SEC24B: variants seen among roughly 807,000 people sequenced by gnomAD.
The protein encoded by SEC24B is SEC24 homolog B, COPII component.
A neutral mutation model predicts 142.8 loss-of-function variants in SEC24B; 45 were observed. The observed-to-expected ratio is 0.32, with a 90% CI of 0.25 to 0.40. SEC24B has a LOEUF of 0.40. SEC24B is among the 10% of genes least tolerant of loss of function. The pLI is 1.00. For missense variants in SEC24B, 1,409 were observed against 1,526.8 expected, an observed-to-expected ratio of 0.92 and a Z score of 1.29; for synonymous variants, 574 against 568.2, an observed-to-expected ratio of 1.01 and a Z score of -0.15.
intron 1 of SEC24B, among the ~76,000 whole-genome samples, chr4:109,443,078 T>C (rs1263442502): frequency 6.6e-6 from 1 of 152,200 alleles, no homozygotes; most frequent in Non-Finnish European, 1.5e-5. Context: ...CCTGCTCCAT[T>C]CCCAGTGTCA....
chr4:109,539,137 T>A (rs1401435630), intron 23 of SEC24B, among the ~76,000 whole-genome samples: 3 of 151,938 alleles, frequency 2.0e-5, no homozygotes, highest in Non-Finnish European at 4.4e-5. Flanking sequence ...AATTTTTGTA[T>A]TTTTAGTAGA....
intron 23 of SEC24B, 43 bp from the exon 24 acceptor site, chr4:109,539,518 G>C: frequency 8.3e-7 from 1 of 1,203,250 alleles, no homozygotes; most frequent in Non-Finnish European, 1.2e-6. Flanking sequence ...TGAAATCAGG[G>C]CTTTTAAATA....
At chr4:109,453,952 G>A (rs1231613482) in intron 1 of SEC24B, among the ~76,000 whole-genome samples, 2 of 152,058 alleles carry the variant, frequency 1.3e-5, no homozygotes, top group South Asian at 2.1e-4. Flanking sequence ...CCACCTCCTG[G>A]GTTCAAGTGA....
intron 3 of SEC24B, among the ~76,000 whole-genome samples, chr4:109,475,977 T>G (rs1167206036): frequency 2.0e-5 from 3 of 147,586 alleles, no homozygotes; most frequent in Admixed American, 2.0e-4. Flanking sequence ...TCATTACAAC[T>G]TTTTCTCTCT....
intron 5 of SEC24B, 31 bp from the exon 6 acceptor site, chr4:109,494,584 G>C: frequency 6.2e-7 from 1 of 1,611,262 alleles, no homozygotes; most frequent in South Asian, 1.1e-5. Context: ...TTGATTTTCA[G>C]TTGTTAACAC....
At chr4:109,513,285 AT>A (rs35150434) in intron 9 of SEC24B, among the ~76,000 whole-genome samples, 29,729 of 112,174 alleles carry the variant, frequency 0.27, 7,540 homozygotes, top group African/African-American at 0.66. Flanking sequence ...CCTGATTATT[AT>A]TTTTTTTTTT....
intron 22 of SEC24B, among the ~76,000 whole-genome samples, chr4:109,537,188 G>T (rs557104173): frequency 4.6e-5 from 7 of 152,136 alleles, no homozygotes; most frequent in African/African-American, 1.4e-4. Context: ...AAAAAAAATA[G>T]TAATTTAGCA....
rs117420398 is a variant in SEC24B at position 109,530,184 on chromosome 4, A to G, written c.3077-105A>G. The G allele has an allele frequency of 3.2e-3, 3,064 of 954,264 alleles. 58 individuals carry two copies. The East Asian group carries it at 0.041, about 13-fold the overall frequency. 59.1% of individuals were successfully genotyped at this position (954,264 alleles called of 1,614,324 possible). A position where few individuals can be genotyped will look rare whatever the true frequency, so the allele number is the denominator to read the frequency against. ...TGAAATGCATTTTTCCATCCTAAAA[A>G]CTTAGCTGAATTTTGTTTCTTAAAT... On this transcript the variant is annotated intron_variant, in intron 18 of 23. Coordinates refer to ENST00000265175, the MANE Select transcript of SEC24B (RefSeq NM_006323.5).
chr4:109,501,343 A>G (rs1309612436), intron 6 of SEC24B, among the ~76,000 whole-genome samples: 1 of 152,238 alleles, frequency 6.6e-6, no homozygotes, highest in Non-Finnish European at 1.5e-5. Flanking sequence ...TTGCACAAGG[A>G]CAAAATCACC....
chr4:109,478,556 T>C (rs1359652596), intron 3 of SEC24B, among the ~76,000 whole-genome samples: 1 of 152,172 alleles, frequency 6.6e-6, no homozygotes, highest in Non-Finnish European at 1.5e-5. Flanking sequence ...TTATAGATAA[T>C]GTAAGTGAAG....
chr4:109,521,375 C>T, intron 13 of SEC24B, 45 bp from the exon 14 acceptor site: 1 of 1,481,504 alleles, frequency 6.7e-7, no homozygotes, highest in Non-Finnish European at 9.4e-7. Flanking sequence ...TAAGATTATT[C>T]CTTTGCCTTC....
At chr4:109,517,290 C>A (rs1723042688) in intron 11 of SEC24B, among the ~76,000 whole-genome samples, 1 of 146,886 alleles carries the variant, frequency 6.8e-6, no homozygotes, top group African/African-American at 2.6e-5. Context: ...TACTATCCAG[C>A]CTTTAAAAAG....
chr4:109,467,943 C>T (rs982536319), intron 2 of SEC24B, among the ~76,000 whole-genome samples: 1 of 151,972 alleles, frequency 6.6e-6, no homozygotes, highest in African/African-American at 2.4e-5. Context: ...GCCAAAAGGC[C>T]GAGAAGCGGT....
In SEC24B at chr4:109,488,694, A is replaced by G. The variant is rs1055244484; in HGVS notation, c.1166-2633A>G. 2.4e-5 allele frequency: 4 copies of G among 165,496 alleles called. 1 individual carries two copies. In the Admixed American group the frequency reaches 2.6e-4, roughly 11 times the overall value. The allele number at this position is 165,496 out of a possible 1,614,324, so 10.3% of individuals were successfully genotyped here. A position where few individuals can be genotyped will look rare whatever the true frequency, so the allele number is the denominator to read the frequency against. On this transcript the variant is annotated intron_variant, in intron 4 of 23. Coordinates refer to ENST00000265175, the MANE Select transcript of SEC24B (RefSeq NM_006323.5). ...AACTGTTTTCCAAAGTAACTGCACC[A>G]TTTTACAATCCAACGAGGATTCTAA...
intron 23 of SEC24B, 94 bp downstream of exon 23, chr4:109,538,690 T>C: frequency 1.4e-6 from 1 of 696,444 alleles, no homozygotes; most frequent in South Asian, 1.9e-5. Flanking sequence ...AGTAGCAAAA[T>C]ATATTCTGAT....
At position 109,460,873 on chromosome 4, in the gene SEC24B, CACT is replaced by C. The variant is rs1382607531; in HGVS notation, c.134-2026_134-2024del. ...GATATATAAAGATGAAAGTATAAAA[CACT>C]AGAGTAAAACATGGTTTTATAGTTT... is the stretch of plus-strand genomic sequence containing the variant. On this transcript the variant is annotated intron_variant, in intron 1 of 23. Coordinates refer to ENST00000265175, the MANE Select transcript of SEC24B (RefSeq NM_006323.5). 7.9e-5 allele frequency among the ~76,000 whole-genome samples: 12 copies of C among 151,500 alleles called. No homozygotes were observed. In the East Asian group the frequency reaches 2.3e-3, roughly 29 times the overall value.
intron 1 of SEC24B, among the ~76,000 whole-genome samples, chr4:109,443,080 C>T (rs1729086723): frequency 6.6e-6 from 1 of 152,090 alleles, no homozygotes; most frequent in Non-Finnish European, 1.5e-5. Context: ...TGCTCCATTC[C>T]CAGTGTCACA....
chr4:109,482,991 C>CAT (rs764389139), intron 4 of SEC24B, among the ~76,000 whole-genome samples: 1 of 78,808 alleles, frequency 1.3e-5, no homozygotes, highest in South Asian at 4.0e-4. Flanking sequence ...CACACACACA[C>CAT]ACACACACAC....
chr4:109,509,678 G>GAA (rs1020221678), intron 7 of SEC24B, among the ~76,000 whole-genome samples: 8 of 46,360 alleles, frequency 1.7e-4, no homozygotes, highest in East Asian at 6.5e-4. Flanking sequence ...CTCCATCTCA[G>GAA]AAAAAAAAAA....
Sources: allele counts gnomAD v4.1 joint callset (sites outside exome capture counted in the v4.1 genomes callset), GRCh38; gene constraint gnomAD v4.1.1; transcripts MANE v1.5; gene names NCBI Gene and HGNC (gene_info 2026-07-23, HGNC 2026-07-21).